Variants in GCFC2 observed in about 807,000 individuals in gnomAD.
GCFC2 encodes the protein GC-rich sequence DNA-binding factor 2, also known as intron Large complex component GCFC2.
In GCFC2, 102 loss-of-function variants were observed where a neutral mutation model predicts 99.4. That is an observed-to-expected ratio of 1.03 (90% confidence interval 0.87 to 1.21). GCFC2 has a LOEUF of 1.21. Ranked by LOEUF, GCFC2 falls within the 50% of genes most tolerant of loss-of-function variation. The probability of loss-of-function intolerance (pLI) is 0.00; values close to 1 mark genes in which losing one functional copy is unlikely to be tolerated. For synonymous variants in GCFC2, 338 were observed against 316.8 expected (o/e 1.07, Z -0.71); for missense variants, 973 against 920.9 (o/e 1.06, Z -0.73).
chr2:75,711,509 G>A (rs1395205298), upstream of GCFC2, among the ~76,000 whole-genome samples: 1 of 152,216 alleles, frequency 6.6e-6, no homozygotes, highest in Non-Finnish European at 1.5e-5. Context: ...TATTCATCAA[G>A]CTCTGTCTAC....
rs139911514 is a variant in GCFC2 at position 75,666,024 on chromosome 2, A to G, written c.2133T>C (p.Phe711=). The change falls in exon 16 of 17, where the codon TTT becomes TTC. Residue 711 remains phenylalanine (F), a synonymous_variant. Coordinates refer to ENST00000321027, the MANE Select transcript of GCFC2 (RefSeq NM_003203.5). The part of the protein sequence containing the change: ...QVAACLPEKW[F]ENSAMRTSIP... ...TAGATGTCCTCATGGCAGAATTTTC[A>G]AACCATTTTTCTGGTAGACATGCTG... The G allele has an allele frequency of 2.5e-4, 400 of 1,608,170 alleles. No individual in the cohort carries two copies. Among genetic ancestry groups the G allele is most frequent in the Non-Finnish European group, 3.3e-4 (390 of 1,176,472 alleles).
chr2:75,692,795 G>T (rs1388231842), intron 6 of GCFC2, among the ~76,000 whole-genome samples: 4 of 152,052 alleles, frequency 2.6e-5, no homozygotes, highest in Non-Finnish European at 5.9e-5. Flanking sequence ...AAGTAGGTGG[G>T]GGCACTCAAA....
intron 6 of GCFC2, among the ~76,000 whole-genome samples, chr2:75,693,433 C>T (rs928761058): frequency 6.6e-6 from 1 of 152,068 alleles, no homozygotes; most frequent in Admixed American, 6.6e-5. Context: ...GAGCGAGACT[C>T]TGTCCCCCTC....
At position 75,666,014 on chromosome 2, in the gene GCFC2, C is replaced by T; in HGVS notation, c.2143G>A (p.Ala715Thr). The T allele has an allele frequency of 1.2e-6, 2 of 1,606,112 alleles. No homozygotes were observed. Among genetic ancestry groups the T allele is most frequent in the Non-Finnish European group, 8.5e-7 (1 of 1,174,160 alleles). The change falls in exon 16 of 17, where the codon GCC becomes ACC. Residue 715 changes from alanine to threonine, a missense_variant. Coordinates refer to ENST00000321027, the MANE Select transcript of GCFC2 (RefSeq NM_003203.5). ...AGCTGTGGAATAGATGTCCTCATGG[C>T]AGAATTTTCAAACCATTTTTCTGGT... is the stretch of plus-strand genomic sequence containing the variant. ...CLPEKWFENSAMRTSIPQLEN... is the reference protein window; with the variant it reads ...CLPEKWFENSTMRTSIPQLEN...
At chr2:75,711,017 T>C (rs1573105846), upstream of GCFC2, 7 of 1,332,678 alleles carry the variant, frequency 5.3e-6, no homozygotes, top group East Asian at 1.6e-4. Flanking sequence ...GCCTGCGTGC[T>C]TTGGCTCCCT....
intron 6 of GCFC2, among the ~76,000 whole-genome samples, chr2:75,693,002 CAG>C (rs1033307264): frequency 1.4e-4 from 22 of 152,108 alleles, no homozygotes; most frequent in Non-Finnish European, 8.8e-5. Context: ...AAAATTTTAA[CAG>C]TGTAATTTTT....
intron 7 of GCFC2, 92 bp from the exon 8 acceptor site, chr2:75,690,811 A>C (rs1174708544): frequency 1.3e-5 from 9 of 689,896 alleles, no homozygotes; most frequent in African/African-American, 1.8e-5. Flanking sequence ...TGGATGTATA[A>C]ACATATGCAT....
At chr2:75,696,905 C>A (rs1429798206) in intron 4 of GCFC2, among the ~76,000 whole-genome samples, 1 of 152,126 alleles carries the variant, frequency 6.6e-6, no homozygotes, top group African/African-American at 2.4e-5. Context: ...CCTGCCTCAG[C>A]CTCCCGAGTA....
At chr2:75,710,316 G>A in intron 1 of GCFC2, 1 of 524,724 alleles carries the variant, frequency 1.9e-6, no homozygotes, top group East Asian at 3.7e-5. Context: ...AGTTATAACT[G>A]ATGGAGTCAA....
At chr2:75,704,486 T>C (rs948148050) in intron 2 of GCFC2, among the ~76,000 whole-genome samples, 4 of 152,248 alleles carry the variant, frequency 2.6e-5, no homozygotes, top group Non-Finnish European at 5.9e-5. Context: ...GGCAATTCAC[T>C]GCGCTGAACT....
chr2:75,711,108 A>C, upstream of GCFC2: 1 of 1,271,910 alleles, frequency 7.9e-7, no homozygotes, highest in Non-Finnish European at 9.9e-7. Flanking sequence ...GTGGACTGAC[A>C]CCTTAGAGAT....
chr2:75,671,943 T>C lies in GCFC2; in HGVS notation c.1956+7A>G. 1 of 1,526,596 alleles carries C rather than the reference T, an allele frequency of 6.6e-7. No homozygotes were observed. The highest frequency in any genetic ancestry group is 9.1e-7 in the Non-Finnish European group (1 of 1,104,116). 94.6% of individuals were successfully genotyped at this position (1,526,596 alleles called of 1,614,324 possible). A position where few individuals can be genotyped will look rare whatever the true frequency, so the allele number is the denominator to read the frequency against. On this transcript the variant is annotated splice_region_variant and intron_variant, in intron 14 of 16. Coordinates refer to ENST00000321027, the MANE Select transcript of GCFC2 (RefSeq NM_003203.5). ...ATTGCCTTTTCATTTTTGCAGTTTTTGCTCACCTTTAGGCCTGACCAGAAC... is the reference window on the plus strand; with the variant it reads ...ATTGCCTTTTCATTTTTGCAGTTTTCGCTCACCTTTAGGCCTGACCAGAAC...
intron 4 of GCFC2, among the ~76,000 whole-genome samples, chr2:75,698,500 G>A (rs572594985): frequency 2.0e-5 from 3 of 152,216 alleles, no homozygotes; most frequent in Middle Eastern, 6.8e-3. Flanking sequence ...AAAATCAGTT[G>A]TTATAACGAT....
chr2:75,681,581 G>T (rs941799534), intron 11 of GCFC2, among the ~76,000 whole-genome samples: 42 of 151,582 alleles, frequency 2.8e-4, no homozygotes, highest in African/African-American at 9.8e-4. Flanking sequence ...CACCTGGAAC[G>T]CCAGAGAAAC....
intron 2 of GCFC2, among the ~76,000 whole-genome samples, chr2:75,703,719 C>T (rs924324833): frequency 6.6e-6 from 1 of 152,198 alleles, no homozygotes; most frequent in African/African-American, 2.4e-5. Flanking sequence ...TCAGAGTCAC[C>T]TGAGAAGCTT....
Position 75,702,400 on chromosome 2 carries a change from TA to T in GCFC2, c.417del (p.Phe139LeufsTer32). On this transcript the variant is annotated frameshift_variant, in exon 3 of 17. Coordinates refer to ENST00000321027, the MANE Select transcript of GCFC2 (RefSeq NM_003203.5). LOFTEE classifies it high-confidence loss of function. ...SSTVKIPDAA[F>X]IQAARRKREL... ...TCACGTTTTCTGCGGGCTGCCTGAA[TA>T]AAAGCTGCATCTGGGATCTTAACTG... is the stretch of plus-strand genomic sequence containing the variant. 1 of 1,613,456 alleles carries T rather than the reference TA, an allele frequency of 6.2e-7. No homozygotes were observed. The highest frequency in any genetic ancestry group is 1.1e-5 in the South Asian group (1 of 91,046).
intron 1 of GCFC2, 79 bp downstream of exon 1, chr2:75,710,512 A>C (rs1378211239): frequency 7.1e-7 from 1 of 1,413,632 alleles, no homozygotes; most frequent in South Asian, 1.5e-5. Flanking sequence ...TAGAACCCCC[A>C]GAGAAGGATC....
intron 2 of GCFC2, among the ~76,000 whole-genome samples, chr2:75,705,173 T>C (rs1356429900): frequency 6.6e-6 from 1 of 152,228 alleles, no homozygotes; most frequent in East Asian, 1.9e-4. Context: ...TGAATAGCAC[T>C]GTATCTAGAA....
At chr2:75,706,687 T>C (rs771504459) in intron 1 of GCFC2, 36 bp from the exon 2 acceptor site, 3 of 1,439,338 alleles carry the variant, frequency 2.1e-6, no homozygotes, top group Admixed American at 1.9e-5. Flanking sequence ...CAAAAAAGAG[T>C]CAAAATAATG....
Sources: gnomAD v4.1 joint callset for allele counts (sites outside exome capture counted in the v4.1 genomes callset) on GRCh38, gnomAD v4.1.1 for gene constraint, MANE v1.5 for transcripts, NCBI Gene and HGNC (gene_info 2026-07-23, HGNC 2026-07-21) for gene names.